The following KSR2 variants were observed in gnomAD, a reference collection of about 807,000 sequenced individuals.
KSR2 encodes kinase suppressor of ras 2.
In KSR2, 25 loss-of-function variants were observed where a neutral mutation model predicts 107.8. The observed-to-expected ratio is 0.23, with a 90% CI of 0.17 to 0.32. The LOEUF (loss-of-function observed/expected upper bound fraction) is 0.32, where lower values mean the gene tolerates loss of function less well. Among genes scored for constraint, KSR2 ranks in the 10% least tolerant of loss-of-function variants. The pLI is 1.00. For missense variants in KSR2, 887 were observed against 1,268.9 expected, an observed-to-expected ratio of 0.70 and a Z score of 4.57; for synonymous variants, 480 against 507.0, an observed-to-expected ratio of 0.95 and a Z score of 0.71.
At chr12:117,828,093 C>T (rs752774003) in intron 3 of KSR2, among the ~76,000 whole-genome samples, 8 of 152,186 alleles carry the variant, frequency 5.3e-5, no homozygotes, top group Non-Finnish European at 8.8e-5. Flanking sequence ...AGGGCTCTGG[C>T]TACTTCTTGT....
At chr12:117,499,176 T>C (rs1368025252) in intron 14 of KSR2, among the ~76,000 whole-genome samples, 3 of 152,242 alleles carry the variant, frequency 2.0e-5, no homozygotes, top group African/African-American at 2.4e-5. Flanking sequence ...ACCACACTTA[T>C]TTTTCAACTC....
At chr12:117,740,295 C>A (rs899725605) in intron 4 of KSR2, among the ~76,000 whole-genome samples, 69 of 142,414 alleles carry the variant, frequency 4.8e-4, no homozygotes, top group African/African-American at 1.7e-3. Flanking sequence ...TTCCATCATA[C>A]ATATATATAA....
chr12:117,868,936 A>C (rs1306334669), intron 1 of KSR2, among the ~76,000 whole-genome samples: 1 of 151,856 alleles, frequency 6.6e-6, no homozygotes, highest in African/African-American at 2.4e-5. Flanking sequence ...TTTTCAGTAG[A>C]GATGAGGTTT....
chr12:117,580,478 C>G (rs1301048239), intron 6 of KSR2, among the ~76,000 whole-genome samples: 1 of 152,188 alleles, frequency 6.6e-6, no homozygotes, highest in Non-Finnish European at 1.5e-5. Context: ...AGTTTTTTCT[C>G]CTTTCCAGAC....
intron 4 of KSR2, among the ~76,000 whole-genome samples, chr12:117,677,693 CTTT>C (rs1885192745): frequency 6.6e-6 from 1 of 152,170 alleles, no homozygotes; most frequent in African/African-American, 2.4e-5. Flanking sequence ...GGACTGGCCA[CTTT>C]ATGAGATTCT....
chr12:117,796,144 T>C (rs1890620280), intron 3 of KSR2, among the ~76,000 whole-genome samples: 1 of 152,092 alleles, frequency 6.6e-6, no homozygotes, highest in South Asian at 2.1e-4. Flanking sequence ...TTCCCCATGC[T>C]GGCCTTGGAG....
chr12:117,663,199 A>G (rs1884512935), intron 5 of KSR2, among the ~76,000 whole-genome samples: 2 of 152,370 alleles, frequency 1.3e-5, no homozygotes, highest in Non-Finnish European at 1.5e-5. Context: ...AGCAAGTTTT[A>G]ATGAAGATGA....
At chr12:117,531,072 G>A in intron 11 of KSR2, 59 bp from the exon 12 acceptor site, 1 of 1,407,062 alleles carries the variant, frequency 7.1e-7, no homozygotes, top group South Asian at 1.2e-5. Context: ...CCCCCGCAAA[G>A]GCCTGATTCC....
chr12:117,686,465 G>A (rs1255798041), intron 4 of KSR2, among the ~76,000 whole-genome samples: 1 of 151,918 alleles, frequency 6.6e-6, no homozygotes. Flanking sequence ...CATATAAGGG[G>A]CAGAGCCAGG....
rs71099068 is a variant in KSR2, at chr12:117,656,941, G to GATATAT, written c.1171+10527_1171+10532dup. 2.0e-3 allele frequency among the ~76,000 whole-genome samples: 209 copies of GATATAT among 102,390 alleles called. 3 individuals carry two copies. The highest frequency in any genetic ancestry group is 3.4e-3 in the African/African-American group (76 of 22,062). 67.2% of individuals were successfully genotyped at this position (102,390 alleles called of 152,430 possible). ...GTGTGTGTATACATATATATAATAG[G>GATATAT]ATATATATATATATATAATAGGATA... On this transcript the variant is annotated intron_variant, in intron 5 of 19. Transcript: ENST00000339824.
chr12:117,623,062 G>A (rs1346847279), intron 5 of KSR2, among the ~76,000 whole-genome samples: 1 of 152,164 alleles, frequency 6.6e-6, no homozygotes, highest in Non-Finnish European at 1.5e-5. Context: ...AGGCTCAGAG[G>A]AAGCTACCCC....
chr12:117,889,285 G>A (rs547700095), intron 1 of KSR2, among the ~76,000 whole-genome samples: 29 of 152,296 alleles, frequency 1.9e-4, no homozygotes, highest in South Asian at 4.1e-4. Flanking sequence ...TTAGCAGGGC[G>A]AGCAGCCGGG....
At position 117,686,215 on chromosome 12, in the gene KSR2, A is replaced by ATTTTTTTTTTTTT. The variant is rs55772468; in HGVS notation, c.987-18570_987-18558dup. Among the ~76,000 whole-genome samples, 34 of 78,038 alleles carry ATTTTTTTTTTTTT rather than the reference A, an allele frequency of 4.4e-4. 3 individuals are homozygous for ATTTTTTTTTTTTT. The highest frequency in any genetic ancestry group is 1.6e-3 in the African/African-American group (23 of 14,702). The allele number at this position is 78,038 out of a possible 152,430, so 51.2% of individuals were successfully genotyped here. On this transcript the variant is annotated intron_variant, in intron 4 of 19. Coordinates refer to ENST00000339824, the MANE Select transcript of KSR2 (RefSeq NM_173598.6). ...AGGCACACACCACCACACCCAGCTA[A>ATTTTTTTTTTTTT]TTTTTTTTTTTTTTTTTTTTTTTTT...
intron 7 of KSR2, among the ~76,000 whole-genome samples, chr12:117,568,691 C>G (rs190378059): frequency 7.2e-5 from 11 of 151,744 alleles, no homozygotes; most frequent in Admixed American, 7.2e-4. Flanking sequence ...TGTCTGGCAC[C>G]TGGGTGAGCC....
At chr12:117,487,530 T>C (rs1267163514) in intron 14 of KSR2, among the ~76,000 whole-genome samples, 1 of 152,114 alleles carries the variant, frequency 6.6e-6, no homozygotes, top group Admixed American at 6.5e-5. Flanking sequence ...GGAGGAAGGG[T>C]GGGCAGAGCA....
At chr12:117,786,281 C>G (rs1890071739) in intron 3 of KSR2, among the ~76,000 whole-genome samples, 1 of 151,748 alleles carries the variant, frequency 6.6e-6, no homozygotes, top group African/African-American at 2.4e-5. Context: ...AGCTGTCCCA[C>G]TCACTCATAT....
chr12:117,920,340 T>C (rs1895303582), intron 1 of KSR2, among the ~76,000 whole-genome samples: 1 of 151,722 alleles, frequency 6.6e-6, no homozygotes, highest in African/African-American at 2.4e-5. Context: ...GCTCAAACAA[T>C]CTCCCTGCTT....
intron 4 of KSR2, among the ~76,000 whole-genome samples, chr12:117,751,455 T>C (rs1287837926): frequency 6.6e-6 from 1 of 152,150 alleles, no homozygotes; most frequent in Non-Finnish European, 1.5e-5. Context: ...GAACACCTGA[T>C]AAAGAGGAAA....
chr12:117,607,504 C>G (rs1050983319), intron 5 of KSR2, among the ~76,000 whole-genome samples: 17 of 152,186 alleles, frequency 1.1e-4, no homozygotes, highest in Non-Finnish European at 1.5e-5. Flanking sequence ...AGCGCTGGAG[C>G]TGGGAACCCT....
Sources: gnomAD v4.1 joint callset for allele counts (sites outside exome capture counted in the v4.1 genomes callset) on GRCh38, gnomAD v4.1.1 for gene constraint, MANE v1.5 for transcripts, NCBI Gene and HGNC (gene_info 2026-07-23, HGNC 2026-07-21) for gene names.